The following CACNA1E variants were observed in gnomAD, a reference collection of about 807,000 sequenced individuals.
CACNA1E encodes the protein voltage-dependent R-type calcium channel subunit alpha-1E.
A neutral mutation model predicts 259.2 loss-of-function variants in CACNA1E; 40 were observed. The ratio of observed to expected loss-of-function variants is 0.15; its 90% CI spans 0.12 to 0.20. The LOEUF is 0.20. CACNA1E is among the 10% of genes least tolerant of loss of function. CACNA1E has a pLI of 1.00. For synonymous variants in CACNA1E, 1,104 were observed against 1,138.5 expected (o/e 0.97, Z 0.61); for missense variants, 1,874 against 3,040.1 (o/e 0.62, Z 9.02).
chr1:181,502,596 T>A (rs943707140), intron 1 of CACNA1E, among the ~76,000 whole-genome samples: 4 of 152,230 alleles, frequency 2.6e-5, no homozygotes, highest in African/African-American at 9.6e-5. Flanking sequence ...TTTTACCTCA[T>A]ACTGACTTCT....
At chr1:181,642,289 A>G (rs1423840103) in intron 6 of CACNA1E, among the ~76,000 whole-genome samples, 2 of 152,168 alleles carry the variant, frequency 1.3e-5, no homozygotes, top group African/African-American at 4.8e-5. Context: ...TAGAGTACTC[A>G]TATTAGACTG....
intron 29 of CACNA1E, 79 bp downstream of exon 29, chr1:181,756,172 C>G: frequency 7.2e-7 from 1 of 1,388,778 alleles, no homozygotes; most frequent in South Asian, 1.4e-5. Flanking sequence ...TCAAGATGAA[C>G]AAGGCTCACG....
At position 181,597,729 on chromosome 1, in the gene CACNA1E, C is replaced by A. The variant is rs138377173; in HGVS notation, c.951+16953C>A. On this transcript the variant is annotated intron_variant, in intron 6 of 47. Transcript: ENST00000367573. ...TAATTTGACTTACAGTTCCACATGG[C>A]TGGGGAGGCCTCACAATCATGGCGG... Among the ~76,000 whole-genome samples the A allele has an allele frequency of 7.9e-5, 12 of 152,334 alleles. No homozygotes were observed. In the East Asian group the frequency reaches 2.3e-3, roughly 29 times the overall value.
At chr1:181,670,096 C>T (rs1354140509) in intron 7 of CACNA1E, among the ~76,000 whole-genome samples, 1 of 152,148 alleles carries the variant, frequency 6.6e-6, no homozygotes, top group Non-Finnish European at 1.5e-5. Context: ...GTCTATAGAA[C>T]CTCATAATAA....
intron 14 of CACNA1E, 122 bp downstream of exon 14, chr1:181,720,459 A>G: frequency 9.6e-7 from 1 of 1,046,920 alleles, no homozygotes; most frequent in Non-Finnish European, 1.4e-6. Context: ...CATGGCCTGA[A>G]TTAACCACTG....
chr1:181,690,767 GCTCT>G (rs1254640624), intron 7 of CACNA1E, among the ~76,000 whole-genome samples: 5 of 151,880 alleles, frequency 3.3e-5, no homozygotes, highest in Non-Finnish European at 7.4e-5. Context: ...TCATGATTTG[GCTCT>G]CTGTCTATTA....
At position 181,537,976 on chromosome 1, in the gene CACNA1E, A is replaced by G. The variant is rs554869402; in HGVS notation, c.512+26466A>G. Among the ~76,000 whole-genome samples, 4 of 152,356 alleles carry G rather than the reference A, an allele frequency of 2.6e-5. No individual in the cohort carries two copies. The East Asian group carries it at 7.7e-4, about 29-fold the overall frequency. On this transcript the variant is annotated intron_variant, in intron 3 of 47. Transcript: ENST00000367573. ...GGAACAACAAAAATGGCACTAATAA[A>G]TATATACTGAGTGAATGAAAAGTCA...
At chr1:181,532,587 C>G (rs1365075866) in intron 3 of CACNA1E, among the ~76,000 whole-genome samples, 1 of 152,210 alleles carries the variant, frequency 6.6e-6, no homozygotes. Flanking sequence ...AAGCAAGGTT[C>G]TCTATGGGTG....
intron 1 of CACNA1E, among the ~76,000 whole-genome samples, chr1:181,329,205 G>A (rs1193502446): frequency 6.6e-6 from 1 of 151,820 alleles, no homozygotes. Flanking sequence ...AATATGTCTC[G>A]ACCTTGTCTT....
intron 1 of CACNA1E, among the ~76,000 whole-genome samples, chr1:181,498,670 C>T (rs1664989800): frequency 6.6e-6 from 1 of 152,158 alleles, no homozygotes; most frequent in African/African-American, 2.4e-5. Flanking sequence ...GAATCAAACT[C>T]ACACTTATCC....
At chr1:181,720,132 C>T in intron 13 of CACNA1E, 74 bp from the exon 14 acceptor site, 4 of 1,537,600 alleles carry the variant, frequency 2.6e-6, no homozygotes, top group Middle Eastern at 1.7e-4. Flanking sequence ...GACTACCAGG[C>T]ATATGCTGAG....
chr1:181,776,353 T>C lies in CACNA1E; in HGVS notation c.5267+125T>C, dbSNP rs1558378457. Reference sequence around the variant, plus strand: ...TTACAGAAGGAAAGGAGATTCCTCTTGATTGTGGCCCATAGAAGAGGCTCT... The same window carrying C: ...TTACAGAAGGAAAGGAGATTCCTCTCGATTGTGGCCCATAGAAGAGGCTCT... On this transcript the variant is annotated intron_variant, in intron 38 of 47. Coordinates refer to ENST00000367573, the MANE Select transcript of CACNA1E (RefSeq NM_001205293.3). This position sits in a 1 kb window ranked among gnomAD's most constrained non-coding sequence, Gnocchi z 4.4. 3 of 982,412 alleles carry C rather than the reference T, an allele frequency of 3.1e-6. No individual in the cohort carries two copies. The highest frequency in any genetic ancestry group is 4.8e-6 in the Non-Finnish European group (3 of 630,248). The allele number at this position is 982,412 out of a possible 1,614,324, so 60.9% of individuals were successfully genotyped here. A position where few individuals can be genotyped will look rare whatever the true frequency, so the allele number is the denominator to read the frequency against.
intron 1 of CACNA1E, among the ~76,000 whole-genome samples, chr1:181,400,746 C>A (rs969263277): frequency 6.6e-6 from 1 of 152,122 alleles, no homozygotes; most frequent in African/African-American, 2.4e-5. Flanking sequence ...TCTGCCTCTC[C>A]CCAGTCCTGA....
intron 1 of CACNA1E, among the ~76,000 whole-genome samples, chr1:181,331,415 C>T (rs543934368): frequency 9.2e-5 from 14 of 152,182 alleles, no homozygotes; most frequent in East Asian, 7.7e-4. Context: ...TGGTATAAGT[C>T]CTGGAATCCA....
chr1:181,804,104 A>G lies in CACNA1E; in HGVS notation c.*5270A>G, dbSNP rs886617138. On this transcript the variant is annotated 3_prime_UTR_variant, in exon 48 of 48. Transcript: ENST00000367573. Reference sequence around the variant, plus strand: ...TGCATTTTTATTTTTGGAGGTATGAAAGAGTTGAGTAGACCAAGTCAAAAG... The same window carrying G: ...TGCATTTTTATTTTTGGAGGTATGAGAGAGTTGAGTAGACCAAGTCAAAAG... 2 of 152,172 alleles carry G rather than the reference A, an allele frequency of 1.3e-5. No individual in the cohort carries two copies. Among genetic ancestry groups the G allele is most frequent in the Non-Finnish European group, 2.9e-5 (2 of 68,036 alleles). 9.4% of individuals were successfully genotyped at this position (152,172 alleles called of 1,614,324 possible).
intron 7 of CACNA1E, among the ~76,000 whole-genome samples, chr1:181,663,485 C>A (rs370504875): frequency 6.6e-6 from 1 of 152,160 alleles, no homozygotes; most frequent in African/African-American, 2.4e-5. Flanking sequence ...GTATTTGGAT[C>A]GCTCCTGATA....
In CACNA1E at chr1:181,798,917, G is replaced by T; in HGVS notation, c.*83G>T. The stretch of plus-strand genomic sequence containing the variant: ...ATTGGGAAGCCAGTGCGGCCCGGGG[G>T]GGAGGAAGAGGGAAAAGGAAGATGG... On this transcript the variant is annotated 3_prime_UTR_variant, in exon 48 of 48. Transcript: ENST00000367573. The surrounding 1 kb of genome is among the most constrained non-coding windows in gnomAD (Gnocchi z 4.2). 1 of 1,237,726 alleles carries T rather than the reference G, an allele frequency of 8.1e-7. No homozygotes were observed. Among genetic ancestry groups the T allele is most frequent in the Middle Eastern group, 2.0e-4 (1 of 5,052 alleles). The allele number at this position is 1,237,726 out of a possible 1,614,324, so 76.7% of individuals were successfully genotyped here.
At position 181,640,415 on chromosome 1, in the gene CACNA1E, C is replaced by T. The variant is rs538982319; in HGVS notation, c.952-10923C>T. On this transcript the variant is annotated intron_variant, in intron 6 of 47. Coordinates refer to ENST00000367573, the MANE Select transcript of CACNA1E (RefSeq NM_001205293.3). ...AAGACTTACAAGCCATGGTTCCTTG[C>T]TTTCAACCTGTTTTTGTTAAGGAAT... is the stretch of plus-strand genomic sequence containing the variant. Among the ~76,000 whole-genome samples, 5 of 152,286 alleles carry T rather than the reference C, an allele frequency of 3.3e-5. No homozygotes were observed. The South Asian group carries it at 1.0e-3, about 32-fold the overall frequency.
At chr1:181,593,608 G>A (rs543809763) in intron 6 of CACNA1E, among the ~76,000 whole-genome samples, 10 of 152,130 alleles carry the variant, frequency 6.6e-5, no homozygotes, top group African/African-American at 1.9e-4. Context: ...GCATGATCTC[G>A]GTTCACTGCA....
Sources: gnomAD v4.1 joint callset for allele counts (sites outside exome capture counted in the v4.1 genomes callset) on GRCh38, gnomAD v4.1.1 for gene constraint, Gnocchi (gnomAD v3.1) non-coding constraint, MANE v1.5 for transcripts, NCBI Gene and HGNC (gene_info 2026-07-23, HGNC 2026-07-21) for gene names.